Variants in DMC1 observed in about 807,000 individuals in gnomAD.
DMC1 encodes meiotic recombination protein DMC1 homolog.
In DMC1, 27 loss-of-function variants were observed where a neutral mutation model predicts 50.1. The observed-to-expected ratio is 0.54, with a 90% CI of 0.40 to 0.74. The LOEUF is 0.74. Ranked by LOEUF, DMC1 falls within the 30% of genes least tolerant of loss-of-function variation. The pLI is 0.00. For synonymous variants in DMC1, 148 were observed against 136.1 expected (o/e 1.09, Z -0.61); for missense variants, 295 against 420.2 (o/e 0.70, Z 2.60).
intron 8 of DMC1, among the ~76,000 whole-genome samples, chr22:38,547,194 C>T (rs1019425282): frequency 6.6e-6 from 1 of 151,916 alleles, no homozygotes; most frequent in Non-Finnish European, 1.5e-5. Context: ...CCACACCTGG[C>T]TAATTTAAAA....
chr22:38,567,802 T>C (rs2090595598), intron 2 of DMC1, among the ~76,000 whole-genome samples, 175 bp from the exon 3 acceptor site: 1 of 152,196 alleles, frequency 6.6e-6, no homozygotes. Context: ...AGCACCAACA[T>C]TGAAAGGGCT....
chr22:38,549,976 G>T lies in DMC1; in HGVS notation c.443C>A (p.Ala148Asp), dbSNP rs760252105. Residue 148 changes from alanine (A) to aspartate (D), a missense_variant, in exon 8 of 14, where the codon GCT becomes GAT. Transcript: ENST00000216024. ...TLCVTAQLPG[A>D]GGYPGGKIIF... ...AATCTTTCCTCCTGGGTAGCCACCAGCTCCTGGAAGTTGAGCTGTCACTAG... is the reference window on the plus strand; with the variant it reads ...AATCTTTCCTCCTGGGTAGCCACCATCTCCTGGAAGTTGAGCTGTCACTAG... 1 of 1,613,506 alleles carries T rather than the reference G, an allele frequency of 6.2e-7. No homozygotes were observed.
chr22:38,523,245 C>T (rs1308400812), intron 12 of DMC1, among the ~76,000 whole-genome samples: 1 of 152,118 alleles, frequency 6.6e-6, no homozygotes, highest in South Asian at 2.1e-4. Flanking sequence ...TTGCCAGGCA[C>T]CTGACATGGT....
chr22:38,539,717 A>G (rs2090259730), intron 8 of DMC1, among the ~76,000 whole-genome samples: 1 of 152,210 alleles, frequency 6.6e-6, no homozygotes, highest in African/African-American at 2.4e-5. Flanking sequence ...TTTACATTTT[A>G]CAACGTAAGA....
intron 7 of DMC1, among the ~76,000 whole-genome samples, chr22:38,550,733 C>G (rs983965936): frequency 6.6e-6 from 1 of 150,426 alleles, no homozygotes; most frequent in African/African-American, 2.4e-5. Flanking sequence ...GGGTTCAAGA[C>G]CAGCATGACC....
intron 1 of DMC1, 166 bp from the exon 2 acceptor site, chr22:38,568,455 G>A (rs11570377): frequency 5.1e-5 from 29 of 568,484 alleles, no homozygotes; most frequent in Admixed American, 4.8e-4. Context: ...TATTTCTTGT[G>A]TGTGTGTGTG....
At chr22:38,530,819 C>T (rs978064159) in intron 12 of DMC1, among the ~76,000 whole-genome samples, 7 of 152,068 alleles carry the variant, frequency 4.6e-5, no homozygotes, top group African/African-American at 1.7e-4. Context: ...CCTGTAATCC[C>T]AGCACTTTGG....
At chr22:38,514,945 CTTTTTTT>C (rs1225224373), downstream of DMC1, among the ~76,000 whole-genome samples, 3 of 121,976 alleles carry the variant, frequency 2.5e-5, no homozygotes, top group Admixed American at 2.4e-4. Flanking sequence ...TTTTTTTATT[CTTTTTTT>C]TTTTTTTTTT....
chr22:38,513,512 TCTC>T, the DMC1 span, among the ~76,000 whole-genome samples: 1 of 152,192 alleles, frequency 6.6e-6, no homozygotes, highest in African/African-American at 2.4e-5. Flanking sequence ...GCCCAATCCT[TCTC>T]CTCACCATGA....
In DMC1 at chr22:38,538,544, G is replaced by A. The variant is rs1243023410; in HGVS notation, c.655C>T (p.Leu219=). 10 of 1,613,752 alleles carry A rather than the reference G, an allele frequency of 6.2e-6. No homozygotes were observed. Among genetic ancestry groups the A allele is most frequent in the Non-Finnish European group, 7.6e-6 (9 of 1,179,734 alleles). ...KFHEEAGIFK[L]LIIDSIMALF... is the part of the protein sequence containing the mutation. ...CAATATTTAAAAGCTTGTACCAATA[G>A]CTTGAAGATGCCAGCTTCTTCATGG... Residue 219 remains leucine (L), a synonymous_variant, in exon 10 of 14, where the codon CTA becomes TTA. Coordinates refer to ENST00000216024, the MANE Select transcript of DMC1 (RefSeq NM_007068.4).
intron 12 of DMC1, among the ~76,000 whole-genome samples, chr22:38,528,011 G>A (rs1188742586): frequency 6.6e-6 from 1 of 151,326 alleles, no homozygotes; most frequent in Non-Finnish European, 1.5e-5. Flanking sequence ...TATAAAATGG[G>A]AATAAAAAGA....
downstream of DMC1, among the ~76,000 whole-genome samples, chr22:38,515,961 C>T (rs150642432): frequency 1.2e-3 from 186 of 152,200 alleles, 1 homozygote; most frequent in African/African-American, 4.3e-3. Context: ...AGAGTCCTAA[C>T]CAATAAACCC....
chr22:38,559,058 C>G (rs1339048643), intron 5 of DMC1, among the ~76,000 whole-genome samples: 2 of 152,108 alleles, frequency 1.3e-5, no homozygotes, highest in Non-Finnish European at 2.9e-5. Flanking sequence ...GAGACTGAGT[C>G]TCACTCTATT....
At position 38,539,341 on chromosome 22, in the gene DMC1, A is replaced by G; in HGVS notation, c.566T>C (p.Leu189Pro). Residue 189 changes from leucine (L) to proline (P), a missense_variant, in exon 9 of 14, where the codon CTT (leucine) becomes CCT (proline). Transcript: ENST00000216024. Reference protein sequence around the residue: ...VDHDAVLDNVLYARAYTSEHQ... With the variant: ...VDHDAVLDNVPYARAYTSEHQ... The stretch of plus-strand genomic sequence containing the variant: ...CTTACTAGTATATGCACGTGCATAA[A>G]GTACGTTGTCCAGTACTGCATCATG... 1 of 1,613,994 alleles carries G rather than the reference A, an allele frequency of 6.2e-7. No homozygotes were observed. The highest frequency in any genetic ancestry group is 8.5e-7 in the Non-Finnish European group (1 of 1,179,856).
rs2090359907 is a variant in DMC1, at chr22:38,547,788, C to T, written c.494+2137G>A. Among the ~76,000 whole-genome samples, 4 of 152,232 alleles carry T rather than the reference C, an allele frequency of 2.6e-5. No individual in the cohort carries two copies. The South Asian group carries it at 8.3e-4, about 32-fold the overall frequency. On this transcript the variant is annotated intron_variant, in intron 8 of 13. Coordinates refer to ENST00000216024, the MANE Select transcript of DMC1 (RefSeq NM_007068.4). ...TCCTGACCTCAGGTAATCCACCCGCCTCAGCCTCCCAAAGTGCTGGGATTA... is the reference window on the plus strand; with the variant it reads ...TCCTGACCTCAGGTAATCCACCCGCTTCAGCCTCCCAAAGTGCTGGGATTA...
At chr22:38,552,978 G>A (rs1366118785) in intron 6 of DMC1, among the ~76,000 whole-genome samples, 1 of 151,508 alleles carries the variant, frequency 6.6e-6, no homozygotes, top group Admixed American at 6.6e-5. Context: ...CTCCTGAGTA[G>A]CTGGGATTAC....
At chr22:38,563,509 TTCTC>T (rs2090549841) in intron 4 of DMC1, among the ~76,000 whole-genome samples, 1 of 152,070 alleles carries the variant, frequency 6.6e-6, no homozygotes, top group South Asian at 2.1e-4. Flanking sequence ...CTTCCTTTCT[TTCTC>T]TCCTCTCTCT....
At chr22:38,558,092 G>C (rs964765238) in intron 5 of DMC1, among the ~76,000 whole-genome samples, 1 of 150,010 alleles carries the variant, frequency 6.7e-6, no homozygotes, top group Non-Finnish European at 1.5e-5. Flanking sequence ...CTCCTGAGTA[G>C]CTGGGATTAC....
intron 12 of DMC1, among the ~76,000 whole-genome samples, chr22:38,522,621 T>A (rs1404263583): frequency 6.6e-6 from 1 of 152,066 alleles, no homozygotes; most frequent in Admixed American, 6.6e-5. Context: ...AAATCATCAA[T>A]AAGGGAACAG....
Sources: gnomAD v4.1 joint callset for allele counts (sites outside exome capture counted in the v4.1 genomes callset) on GRCh38, gnomAD v4.1.1 for gene constraint, MANE v1.5 for transcripts, NCBI Gene and HGNC (gene_info 2026-07-23, HGNC 2026-07-21) for gene names.